The following FAM135B variants were observed in gnomAD, a reference collection of about 807,000 sequenced individuals.
The protein encoded by FAM135B is family with sequence similarity 135 member B, also known as protein FAM135B.
FAM135B carries 43 observed loss-of-function variants against 127.7 expected under a neutral mutation model. The ratio of observed to expected loss-of-function variants is 0.34; its 90% confidence interval spans 0.26 to 0.43. FAM135B has a LOEUF of 0.43. Among genes scored for constraint, FAM135B ranks in the 20% least tolerant of loss-of-function variants. The probability of loss-of-function intolerance (pLI) is 1.00; values close to 1 mark genes in which losing one functional copy is unlikely to be tolerated. For missense variants in FAM135B, 1,558 were observed against 1,725.6 expected (o/e 0.90, Z 1.72); for synonymous variants, 670 against 665.1 (o/e 1.01, Z -0.11).
At chr8:138,306,749 A>T (rs1488288219) in intron 3 of FAM135B, among the ~76,000 whole-genome samples, 1 of 151,802 alleles carries the variant, frequency 6.6e-6, no homozygotes, top group Non-Finnish European at 1.5e-5. Context: ...CGCCTGGCTA[A>T]TTTTTTCTAT....
chr8:138,337,136 C>T (rs1243886738), intron 2 of FAM135B, among the ~76,000 whole-genome samples: 1 of 152,204 alleles, frequency 6.6e-6, no homozygotes, highest in East Asian at 1.9e-4. Flanking sequence ...CTATGACAAA[C>T]CCACAGACAA....
At chr8:138,446,102 G>A (rs1403145448) in intron 1 of FAM135B, among the ~76,000 whole-genome samples, 2 of 152,188 alleles carry the variant, frequency 1.3e-5, no homozygotes, top group Non-Finnish European at 1.5e-5. Context: ...TACAACGGAT[G>A]TGAAGGACCT....
chr8:138,296,737 C>T (rs554975689), intron 3 of FAM135B, among the ~76,000 whole-genome samples: 12 of 152,250 alleles, frequency 7.9e-5, no homozygotes, highest in Non-Finnish European at 1.6e-4. Flanking sequence ...TTTGATTCAT[C>T]CCATCCCTTT....
intron 1 of FAM135B, among the ~76,000 whole-genome samples, chr8:138,442,640 C>A (rs1835870996): frequency 6.6e-6 from 1 of 152,030 alleles, no homozygotes; most frequent in Non-Finnish European, 1.5e-5. Flanking sequence ...CAATCAAAAA[C>A]ATTCTGGAGA....
intron 7 of FAM135B, among the ~76,000 whole-genome samples, chr8:138,233,833 T>C (rs1399947540): frequency 2.3e-5 from 3 of 128,628 alleles, no homozygotes; most frequent in Non-Finnish European, 1.8e-5. Flanking sequence ...CAACAACAAA[T>C]AAATAAATAA....
chr8:138,182,053 C>A (rs1273657067), intron 9 of FAM135B, among the ~76,000 whole-genome samples: 1 of 152,216 alleles, frequency 6.6e-6, no homozygotes, highest in African/African-American at 2.4e-5. Flanking sequence ...CCTCTCCCGG[C>A]CTCCTTGTTC....
chr8:138,177,275 AAGAGTAACTTTGAAC>A (rs1301830238), intron 11 of FAM135B, 57 bp downstream of exon 11: 13 of 1,395,346 alleles, frequency 9.3e-6, no homozygotes, highest in Non-Finnish European at 1.3e-5. Context: ...TGAGAAAGTG[AAGAGTAACTTTGAAC>A]AGCATGTCTT....
intron 9 of FAM135B, among the ~76,000 whole-genome samples, chr8:138,191,427 G>A (rs1042419234): frequency 6.6e-6 from 1 of 152,174 alleles, no homozygotes. Context: ...TGACATTAGT[G>A]GCTCCAGGGT....
rs761063771 is a variant in FAM135B, at chr8:138,265,760, C to T, written c.240G>A (p.Glu80=). Residue 80 remains glutamate, a synonymous_variant, in exon 4 of 20, where the codon GAG becomes GAA. Transcript: ENST00000395297. ...AGACCACAGCATCATTTATGGGTACCTCTTCATTCCGGTATAAGATCTGAA... is the reference window on the plus strand; with the variant it reads ...AGACCACAGCATCATTTATGGGTACTTCTTCATTCCGGTATAAGATCTGAA... The part of the protein sequence containing the change: ...RVFQILYRNE[E]VPINDAVVFR... 4.3e-6 allele frequency: 7 copies of T among 1,613,846 alleles called. No homozygotes were observed. The highest frequency in any genetic ancestry group is 2.2e-5 in the South Asian group (2 of 91,074).
intron 1 of FAM135B, among the ~76,000 whole-genome samples, chr8:138,388,847 T>C (rs943972021): frequency 2.6e-5 from 4 of 152,132 alleles, no homozygotes; most frequent in Admixed American, 2.6e-4. Flanking sequence ...CTCAAACCCA[T>C]ATAATGTTAG....
intron 1 of FAM135B, among the ~76,000 whole-genome samples, chr8:138,472,723 T>C (rs546325884): frequency 1.4e-4 from 22 of 152,302 alleles, no homozygotes; most frequent in African/African-American, 4.6e-4. Flanking sequence ...ATTGGCACCA[T>C]TCCACAACGT....
chr8:138,474,155 G>T (rs374544875), intron 1 of FAM135B, among the ~76,000 whole-genome samples: 1 of 152,128 alleles, frequency 6.6e-6, no homozygotes, highest in Non-Finnish European at 1.5e-5. Context: ...GCAGTGCAGC[G>T]AGTTTAAATT....
chr8:138,137,635 A>T (rs954084603), intron 18 of FAM135B, among the ~76,000 whole-genome samples: 2 of 152,088 alleles, frequency 1.3e-5, no homozygotes, highest in African/African-American at 4.8e-5. Flanking sequence ...AGAAATATTA[A>T]GGGGTTCATA....
At chr8:138,284,231 T>C (rs1255106370) in intron 3 of FAM135B, among the ~76,000 whole-genome samples, 1 of 152,148 alleles carries the variant, frequency 6.6e-6, no homozygotes, top group East Asian at 1.9e-4. Context: ...ACTTTCCATG[T>C]GTAATCCCTC....
At chr8:138,352,284 T>C (rs956036860) in intron 2 of FAM135B, among the ~76,000 whole-genome samples, 1 of 152,228 alleles carries the variant, frequency 6.6e-6, no homozygotes, top group African/African-American at 2.4e-5. Context: ...ATCTGAATGA[T>C]AAATGTTTGA....
intron 3 of FAM135B, among the ~76,000 whole-genome samples, chr8:138,271,589 T>C (rs546495126): frequency 6.6e-6 from 1 of 152,318 alleles, no homozygotes; most frequent in South Asian, 2.1e-4. Flanking sequence ...ATTCCCATCA[T>C]TGTCCGACTC....
Position 138,256,746 on chromosome 8 carries a change from A to C in FAM135B, c.311T>G (p.Leu104Arg). ...CTTGAGTTGAAAATCTACTTCACTC[A>C]GTGCGTCTTCCATCTGCAAAAGAAA... ...LLGGERMEDALSEVDFQLKVD... is the reference protein window; with the variant it reads ...LLGGERMEDARSEVDFQLKVD... The change falls in exon 5 of 20, where the codon CTG becomes CGG. Residue 104 changes from leucine (L) to arginine (R), a missense_variant. Physicochemically the swap from Leu to Arg is moderately radical, Grantham distance 102 (BLOSUM62 -2). Coordinates refer to ENST00000395297, the MANE Select transcript of FAM135B (RefSeq NM_015912.4). 1 of 1,613,904 alleles carries C rather than the reference A, an allele frequency of 6.2e-7. No homozygotes were observed. Among genetic ancestry groups the C allele is most frequent in the Non-Finnish European group, 8.5e-7 (1 of 1,179,878 alleles).
Position 138,153,010 on chromosome 8 carries a change from G to A in FAM135B, c.1465C>T (p.Gln489Ter), listed in dbSNP as rs769730837. 6.2e-7 allele frequency: 1 copy of A among 1,614,176 alleles called. No homozygotes were observed. Among genetic ancestry groups the A allele is most frequent in the Non-Finnish European group, 8.5e-7 (1 of 1,180,038 alleles). ...CPEPGENVAT[Q>*]NHMDMCSESQ... ...TCAGAGCACATGTCCATATGATTTT[G>A]TGTGGCCACATTCTCACCTGGCTCT... is the stretch of plus-strand genomic sequence containing the variant. The change falls in exon 13 of 20, where the codon CAA (glutamine) becomes TAA (stop). Residue 489 changes from glutamine to a stop codon, truncating the protein, a stop_gained. Transcript: ENST00000395297. LOFTEE classifies it high-confidence loss of function.
intron 1 of FAM135B, among the ~76,000 whole-genome samples, chr8:138,433,386 G>A (rs1376624587): frequency 1.5e-5 from 2 of 134,340 alleles, no homozygotes; most frequent in East Asian, 2.3e-4. Flanking sequence ...GCCAGATGTG[G>A]TAGTACATGC....
Sources: gnomAD v4.1 joint callset for allele counts (sites outside exome capture counted in the v4.1 genomes callset) on GRCh38, gnomAD v4.1.1 for gene constraint, MANE v1.5 for transcripts, NCBI Gene and HGNC (gene_info 2026-07-23, HGNC 2026-07-21) for gene names.